The following ZDHHC11 variants were observed in gnomAD, a reference collection of about 807,000 sequenced individuals.
ZDHHC11 encodes the protein zDHHC palmitoyltransferase 11.
Under a neutral mutation model 51.3 loss-of-function variants are expected in ZDHHC11, and 44 were observed. The ratio of observed to expected loss-of-function variants is 0.86; its 90% confidence interval spans 0.67 to 1.10. The LOEUF is 1.10. ZDHHC11 is among the 50% of genes least tolerant of loss of function. ZDHHC11 has a pLI of 0.00. For synonymous variants in ZDHHC11, 163 were observed against 222.0 expected, an observed-to-expected ratio of 0.73 and a Z score of 2.36; for missense variants, 400 against 537.7, an observed-to-expected ratio of 0.74 and a Z score of 2.53.
chr5:836,293 T>C (rs73730963), intron 6 of ZDHHC11, among the ~76,000 whole-genome samples: 3,899 of 150,326 alleles, frequency 0.026, 384 homozygotes, highest in African/African-American at 0.087. Flanking sequence ...CCGTTCTCTA[T>C]TGGACTAACG....
At chr5:853,240 CGGA>C (rs1747568163), upstream of ZDHHC11, among the ~76,000 whole-genome samples, 1 of 132,592 alleles carries the variant, frequency 7.5e-6, no homozygotes, top group Non-Finnish European at 1.6e-5. Flanking sequence ...ACGGACCCCA[CGGA>C]GGACAGTGAG....
chr5:834,800 C>T (rs1439374438), intron 6 of ZDHHC11, among the ~76,000 whole-genome samples: 1 of 151,966 alleles, frequency 6.6e-6, no homozygotes, highest in Non-Finnish European at 1.5e-5. Flanking sequence ...CAATAAAGCA[C>T]TTTTAATTCA....
intron 8 of ZDHHC11, among the ~76,000 whole-genome samples, chr5:824,321 C>T (rs868705200): frequency 7.0e-6 from 1 of 141,878 alleles, no homozygotes; most frequent in East Asian, 2.1e-4. Flanking sequence ...ATTGGCTGGG[C>T]GTGGTGGCAT....
At chr5:807,944 G>A (rs1336730880) in intron 11 of ZDHHC11, among the ~76,000 whole-genome samples, 2 of 151,138 alleles carry the variant, frequency 1.3e-5, no homozygotes, top group African/African-American at 4.9e-5. Context: ...AGGATCAGAC[G>A]CAGGTCCTGG....
At position 833,840 on chromosome 5, in the gene ZDHHC11, A is replaced by T. The variant is rs543750301; in HGVS notation, c.901-33T>A. The T allele has an allele frequency of 5.3e-5, 84 of 1,572,092 alleles. No individual in the cohort carries two copies. In the African/African-American group the frequency reaches 9.4e-4, roughly 18 times the overall value. ...GCAAAAGAAAATTCGTCACATGAAA[A>T]AAGAAGTTGTTGACATGCAGCTGAT... On this transcript the variant is annotated intron_variant, in intron 6 of 12. Transcript: ENST00000283441.
At position 841,628 on chromosome 5, in the gene ZDHHC11, C is replaced by T. The variant is rs577006017; in HGVS notation, c.629-978G>A. 127 of 993,062 alleles carry T rather than the reference C, an allele frequency of 1.3e-4. No individual in the cohort carries two copies. The African/African-American group carries it at 1.9e-3, about 15-fold the overall frequency. The allele number at this position is 993,062 out of a possible 1,614,324, so 61.5% of individuals were successfully genotyped here. ...ATGGCCCACTCTGTGTCCCTGGACCCGCTGCACCCTAAAACAGCTGCCTTC... is the reference window on the plus strand; with the variant it reads ...ATGGCCCACTCTGTGTCCCTGGACCTGCTGCACCCTAAAACAGCTGCCTTC... On this transcript the variant is annotated intron_variant, in intron 4 of 12. Transcript: ENST00000283441.
intron 5 of ZDHHC11, among the ~76,000 whole-genome samples, chr5:838,508 C>G (rs1241458865): frequency 6.6e-6 from 1 of 151,982 alleles, no homozygotes; most frequent in Non-Finnish European, 1.5e-5. Flanking sequence ...CCAGCCTTCA[C>G]AGGATGCGTC....
intron 5 of ZDHHC11, among the ~76,000 whole-genome samples, chr5:838,828 C>G (rs549782121): frequency 6.7e-6 from 1 of 149,228 alleles, no homozygotes; most frequent in East Asian, 1.9e-4. Context: ...AGCTTCTCTG[C>G]AGCACAAGGG....
chr5:818,554 C>A (rs1458421864), intron 10 of ZDHHC11, among the ~76,000 whole-genome samples: 3 of 151,664 alleles, frequency 2.0e-5, no homozygotes, highest in Non-Finnish European at 4.4e-5. Flanking sequence ...CCTCACAAAG[C>A]CTTCTCAGAT....
chr5:804,790 G>A (rs1340115655), intron 11 of ZDHHC11, among the ~76,000 whole-genome samples: 3 of 151,152 alleles, frequency 2.0e-5, no homozygotes, highest in East Asian at 1.9e-4. Context: ...AATAACTAAG[G>A]CATTCTCACA....
chr5:855,592 G>T (rs561978793), upstream of ZDHHC11, among the ~76,000 whole-genome samples: 1 of 148,630 alleles, frequency 6.7e-6, no homozygotes. Flanking sequence ...ACCGCACAGA[G>T]GACAGTGAGC....
chr5:819,764 G>T, intron 9 of ZDHHC11, 152 bp from the exon 10 acceptor site: 1 of 734,164 alleles, frequency 1.4e-6, no homozygotes, highest in Non-Finnish European at 2.3e-6. Context: ...GAGGTTGTGT[G>T]AGTGCTCCCG....
chr5:817,199 T>G (rs1388712899), intron 10 of ZDHHC11, among the ~76,000 whole-genome samples: 4 of 151,646 alleles, frequency 2.6e-5, no homozygotes, highest in African/African-American at 9.7e-5. Context: ...CACCTCGGTA[T>G]GCTGTTTGCA....
chr5:850,371 A>G lies in ZDHHC11; in HGVS notation c.222+10T>C. 1 of 1,613,258 alleles carries G rather than the reference A, an allele frequency of 6.2e-7. No homozygotes were observed. The highest frequency in any genetic ancestry group is 8.5e-7 in the Non-Finnish European group (1 of 1,179,814). On this transcript the variant is annotated intron_variant, in intron 1 of 12. Coordinates refer to ENST00000283441, the MANE Select transcript of ZDHHC11 (RefSeq NM_024786.3). ...CTCCCGCTTAGACCATGCCACGATG[A>G]AAAGGATACCACGTAGGCAATGTAT...
chr5:819,444 A>G, intron 10 of ZDHHC11, 81 bp downstream of exon 10: 1 of 1,468,032 alleles, frequency 6.8e-7, no homozygotes, highest in Non-Finnish European at 9.5e-7. Context: ...ATACTACCTT[A>G]ACCTCAGCTT....
chr5:810,481 T>G (rs71593347), intron 11 of ZDHHC11, among the ~76,000 whole-genome samples: 2 of 147,686 alleles, frequency 1.4e-5, no homozygotes, highest in African/African-American at 4.9e-5. Flanking sequence ...TCCCACAAAA[T>G]AGACCTGTGA....
intron 7 of ZDHHC11, among the ~76,000 whole-genome samples, chr5:825,490 A>T (rs1354561490): frequency 6.6e-6 from 1 of 152,126 alleles, no homozygotes; most frequent in African/African-American, 2.4e-5. Context: ...GACAATGCAA[A>T]GCAGTCCCTC....
chr5:840,698 G>T (rs781772455), intron 4 of ZDHHC11, 48 bp from the exon 5 acceptor site: 23 of 1,610,202 alleles, frequency 1.4e-5, no homozygotes, highest in Non-Finnish European at 1.8e-5. Flanking sequence ...GCTGACGGGT[G>T]CCACATCAGG....
intron 1 of ZDHHC11, among the ~76,000 whole-genome samples, chr5:856,609 C>CAT (rs1748289987): frequency 6.6e-6 from 1 of 150,894 alleles, no homozygotes; most frequent in South Asian, 2.1e-4. Flanking sequence ...TCACGCCACA[C>CAT]ATATGCAACA....
Sources: allele counts gnomAD v4.1 joint callset (sites outside exome capture counted in the v4.1 genomes callset), GRCh38; gene constraint gnomAD v4.1.1; transcripts MANE v1.5; gene names NCBI Gene and HGNC (gene_info 2026-07-23, HGNC 2026-07-21).